IL1RAPL2: variants seen among roughly 807,000 people sequenced by gnomAD.
The protein encoded by IL1RAPL2 is interleukin 1 receptor accessory protein like 2.
A neutral mutation model predicts 44.1 loss-of-function variants in IL1RAPL2; 3 were observed. The observed-to-expected ratio is 0.07, with a 90% CI of 0.03 to 0.18. IL1RAPL2 has a LOEUF of 0.18. IL1RAPL2 is among the 10% of genes least tolerant of loss of function. IL1RAPL2 has a pLI of 1.00. For synonymous variants in IL1RAPL2, 181 were observed against 178.8 expected (o/e 1.01, Z -0.10); for missense variants, 391 against 496.4 (o/e 0.79, Z 2.02).
intron 5 of IL1RAPL2, among the ~76,000 whole-genome samples, chrX:105,448,635 G>A (rs1188129154): frequency 9.0e-6 from 1 of 111,176 alleles, no homozygotes; most frequent in Non-Finnish European, 1.9e-5. Flanking sequence ...AATGTGCTGG[G>A]ATTACAGGTG....
At chrX:105,225,927 C>T (rs1296898318) in intron 3 of IL1RAPL2, among the ~76,000 whole-genome samples, 2 of 111,005 alleles carry the variant, frequency 1.8e-5, no homozygotes, top group African/African-American at 6.6e-5. Flanking sequence ...ATCTGCCTGC[C>T]TCGGCCTCCC....
chrX:104,946,379 C>CAAAAAAAAAAAAA (rs1157603029), intron 2 of IL1RAPL2, among the ~76,000 whole-genome samples: 141 of 9,129 alleles, frequency 0.015, 44 homozygotes, highest in East Asian at 0.025. Flanking sequence ...GACTCCGTCT[C>CAAAAAAAAAAAAA]AAAAAAAAAA....
intron 2 of IL1RAPL2, among the ~76,000 whole-genome samples, chrX:104,841,888 G>T (rs1348716963): frequency 9.1e-6 from 1 of 110,020 alleles, no homozygotes; most frequent in Non-Finnish European, 1.9e-5. Flanking sequence ...CTTCTCATGA[G>T]TATCTTGGTG....
At chrX:105,035,806 G>A (rs1467658487) in intron 2 of IL1RAPL2, among the ~76,000 whole-genome samples, 1 of 112,453 alleles carries the variant, frequency 8.9e-6, no homozygotes, top group Non-Finnish European at 1.9e-5. Context: ...TAAAAGCAAT[G>A]TGTACCTTTT....
chrX:105,173,873 C>T, intron 2 of IL1RAPL2, among the ~76,000 whole-genome samples: 1 of 110,403 alleles, frequency 9.1e-6, no homozygotes, highest in South Asian at 3.9e-4. Context: ...GCTGGGATTA[C>T]AGGCACCCGC....
At chrX:105,326,140 A>G (rs2034936425) in intron 5 of IL1RAPL2, among the ~76,000 whole-genome samples, 1 of 110,863 alleles carries the variant, frequency 9.0e-6, no homozygotes, top group South Asian at 3.8e-4. Flanking sequence ...GCAGCCTCCA[A>G]CTCTTGGGCT....
chrX:104,833,592 T>C, intron 2 of IL1RAPL2, among the ~76,000 whole-genome samples: 1 of 111,832 alleles, frequency 8.9e-6, no homozygotes, highest in South Asian at 3.8e-4. Context: ...ACCAGAAACC[T>C]GTAAGAGGTC....
chrX:105,583,590 C>T lies in IL1RAPL2; in HGVS notation c.772+99203C>T, dbSNP rs758434966. The stretch of plus-strand genomic sequence containing the variant: ...TTTATAACATCCCATCCTTTTAGTG[C>T]CTGTTGACTATGTAGTGATATCTCC... On this transcript the variant is annotated intron_variant, in intron 6 of 10. Transcript: ENST00000372582. 5.4e-5 allele frequency among the ~76,000 whole-genome samples: 6 copies of T among 111,909 alleles called. No individual in the cohort carries two copies. The East Asian group carries it at 1.7e-3, about 32-fold the overall frequency.
chrX:105,073,640 A>G lies in IL1RAPL2; in HGVS notation c.83-121835A>G, dbSNP rs1363933906. Among the ~76,000 whole-genome samples, 40 of 111,486 alleles carry G rather than the reference A, an allele frequency of 3.6e-4. No homozygotes were observed. In the Middle Eastern group the frequency reaches 0.014, roughly 39 times the overall value. On this transcript the variant is annotated intron_variant, in intron 2 of 10. Coordinates refer to ENST00000372582, the MANE Select transcript of IL1RAPL2 (RefSeq NM_017416.2). Reference sequence around the variant, plus strand: ...ACCACACCGACTTCCACAATGGTTGAACTAGTTTACAGTCCCACCAACAGT... The same window carrying G: ...ACCACACCGACTTCCACAATGGTTGGACTAGTTTACAGTCCCACCAACAGT...
chrX:105,098,298 CA>C, intron 2 of IL1RAPL2, among the ~76,000 whole-genome samples: 1 of 111,594 alleles, frequency 9.0e-6, no homozygotes, highest in Admixed American at 9.5e-5. Context: ...TTTTCTTCAT[CA>C]GTCTCTTGCT....
Position 104,676,246 on chromosome X carries a change from C to T in IL1RAPL2, c.82+17251C>T, listed in dbSNP as rs775788507. Among the ~76,000 whole-genome samples, 488 of 111,503 alleles carry T rather than the reference C, an allele frequency of 4.4e-3. 2 individuals are homozygous for T. Among genetic ancestry groups the T allele is most frequent in the African/African-American group, 0.015 (463 of 30,635 alleles). On this transcript the variant is annotated intron_variant, in intron 2 of 10. Transcript: ENST00000372582. ...TTTGCAGTGGCTGGTACCAGTTGTT[C>T]CTTTCCATGTTTAGTGCTTCCTTCA...
chrX:104,635,510 A>C (rs1929777693), intron 1 of IL1RAPL2, among the ~76,000 whole-genome samples: 1 of 111,547 alleles, frequency 9.0e-6, no homozygotes, highest in African/African-American at 3.3e-5. Context: ...CTTTTCACAT[A>C]GTCCCATGTT....
intron 2 of IL1RAPL2, among the ~76,000 whole-genome samples, chrX:104,674,498 C>T (rs1439980159): frequency 1.8e-5 from 2 of 111,725 alleles, no homozygotes; most frequent in Non-Finnish European, 3.8e-5. Context: ...ATTCGTTTTG[C>T]CAGTATTTTA....
intron 6 of IL1RAPL2, among the ~76,000 whole-genome samples, chrX:105,612,560 C>T (rs1340657851): frequency 8.9e-6 from 1 of 112,345 alleles, no homozygotes; most frequent in Non-Finnish European, 1.9e-5. Flanking sequence ...CAAGTGAGTA[C>T]TTACAGTACC....
intron 2 of IL1RAPL2, among the ~76,000 whole-genome samples, chrX:105,082,997 ACTC>A (rs1241219320): frequency 1.8e-5 from 2 of 110,868 alleles, no homozygotes; most frequent in African/African-American, 6.6e-5. Flanking sequence ...GTAATAATGA[ACTC>A]CTCCAAGCTA....
rs150478610 is a variant in IL1RAPL2, at chrX:104,896,578, A to G, written c.82+237583A>G. On this transcript the variant is annotated intron_variant, in intron 2 of 10. Transcript: ENST00000372582. ...TAGCTAAAGGATTTTAAACACACCA[A>G]TCAGTGCTCTATCTAGCTAAAGGTT... 4.8e-4 allele frequency among the ~76,000 whole-genome samples: 54 copies of G among 111,478 alleles called. No homozygotes were observed. The East Asian group carries it at 0.015, about 31-fold the overall frequency.
chrX:105,724,176 C>A (rs1452817659), intron 7 of IL1RAPL2, among the ~76,000 whole-genome samples: 3 of 110,376 alleles, frequency 2.7e-5, no homozygotes, highest in Non-Finnish European at 5.7e-5. Flanking sequence ...CTTTTTATTT[C>A]TTAGTTTGCC....
At chrX:105,299,172 T>C (rs2034676626) in intron 5 of IL1RAPL2, among the ~76,000 whole-genome samples, 1 of 111,882 alleles carries the variant, frequency 8.9e-6, no homozygotes, top group African/African-American at 3.2e-5. Context: ...TCTACTGAGG[T>C]TTAATTGACA....
intron 1 of IL1RAPL2, among the ~76,000 whole-genome samples, chrX:104,620,941 TATA>T (rs1260348096): frequency 9.8e-6 from 1 of 101,624 alleles, no homozygotes; most frequent in African/African-American, 3.9e-5. Context: ...TATATAATAA[TATA>T]ATATATAAAT....
Sources: gnomAD v4.1 joint callset for allele counts (sites outside exome capture counted in the v4.1 genomes callset) on GRCh38, gnomAD v4.1.1 for gene constraint, MANE v1.5 for transcripts, NCBI Gene and HGNC (gene_info 2026-07-23, HGNC 2026-07-21) for gene names.